The following ARHGEF7 variants were observed in gnomAD, a reference collection of about 807,000 sequenced individuals.
The protein encoded by ARHGEF7 is PAK-interacting exchange factor beta.
A neutral mutation model predicts 109.8 loss-of-function variants in ARHGEF7; 33 were observed. The observed-to-expected ratio is 0.30, with a 90% CI of 0.23 to 0.40. The LOEUF (loss-of-function observed/expected upper bound fraction) is 0.40. ARHGEF7 is among the 10% of genes least tolerant of loss of function. The pLI is 1.00. For missense variants in ARHGEF7, 938 were observed against 1,098.5 expected (o/e 0.85, Z 2.07); for synonymous variants, 458 against 424.6 (o/e 1.08, Z -0.97).
chr13:111,146,003 G>T (rs114727391), intron 1 of ARHGEF7, among the ~76,000 whole-genome samples: 214 of 152,328 alleles, frequency 1.4e-3, no homozygotes, highest in African/African-American at 4.7e-3. Flanking sequence ...TTTAACATGA[G>T]ACATCGGTGG....
chr13:111,196,627 G>A (rs1256037340), intron 2 of ARHGEF7, among the ~76,000 whole-genome samples: 1 of 152,116 alleles, frequency 6.6e-6, no homozygotes, highest in East Asian at 1.9e-4. Context: ...CGATAGCCCG[G>A]GGGTTTTTGT....
At chr13:111,206,236 G>A (rs866759440) in intron 3 of ARHGEF7, among the ~76,000 whole-genome samples, 38 of 151,858 alleles carry the variant, frequency 2.5e-4, no homozygotes, top group African/African-American at 8.2e-4. Context: ...CCTTCAGAGG[G>A]GGGGGTGTAC....
rs996311496 is a variant in ARHGEF7, at chr13:111,273,722, C to A, written c.1074-92C>A. The stretch of plus-strand genomic sequence containing the variant: ...GATGTTAAAAGCAACACTTATGTTT[C>A]ATAAATTCTGGCTGTTGCTCATGGA... On this transcript the variant is annotated intron_variant, in intron 9 of 21. Transcript: ENST00000646102. This position sits in a 1 kb window ranked among gnomAD's most constrained non-coding sequence, Gnocchi z 4.5. 10 of 1,535,260 alleles carry A rather than the reference C, an allele frequency of 6.5e-6. No homozygotes were observed. The highest frequency in any genetic ancestry group is 9.0e-6 in the Non-Finnish European group (10 of 1,116,466).
intron 2 of ARHGEF7, among the ~76,000 whole-genome samples, chr13:111,171,146 T>TA (rs1397483673): frequency 6.6e-6 from 1 of 152,252 alleles, no homozygotes; most frequent in African/African-American, 2.4e-5. Context: ...AATGCACTCT[T>TA]AGAGTTACTT....
intron 9 of ARHGEF7, among the ~76,000 whole-genome samples, chr13:111,268,913 C>G (rs946404457): frequency 6.6e-6 from 1 of 152,070 alleles, no homozygotes; most frequent in Non-Finnish European, 1.5e-5. Flanking sequence ...CCTGGGTGTG[C>G]TCAAATATAA....
chr13:111,292,065 T>A (rs576883158), intron 18 of ARHGEF7, 53 bp from the exon 19 acceptor site: 9 of 1,509,848 alleles, frequency 6.0e-6, no homozygotes, highest in Non-Finnish European at 8.2e-6. Flanking sequence ...TTCCTGTCGT[T>A]CTCCTCCTCA....
At chr13:111,214,244 C>T (rs1016256969) in intron 4 of ARHGEF7, among the ~76,000 whole-genome samples, 4 of 152,212 alleles carry the variant, frequency 2.6e-5, no homozygotes, top group East Asian at 3.8e-4. Context: ...GGTGGAACTC[C>T]GCTGCCTCTT....
At chr13:111,192,607 G>C (rs2080022531) in intron 2 of ARHGEF7, among the ~76,000 whole-genome samples, 1 of 152,156 alleles carries the variant, frequency 6.6e-6, no homozygotes, top group African/African-American at 2.4e-5. Flanking sequence ...TGAGTTTCTT[G>C]TGTTAGTTTC....
rs2093630703 is a variant in ARHGEF7 at position 111,305,247 on chromosome 13, C to CT, written c.*2135dup. 1 of 152,214 alleles carries CT rather than the reference C, an allele frequency of 6.6e-6. No homozygotes were observed. Among genetic ancestry groups the CT allele is most frequent in the South Asian group, 2.1e-4 (1 of 4,830 alleles). The allele number at this position is 152,214 out of a possible 1,614,324, so 9.4% of individuals were successfully genotyped here. A position where few individuals can be genotyped will look rare whatever the true frequency, so the allele number is the denominator to read the frequency against. ...TTTTTAGGGAGCAGGAAAAATGCGT[C>CT]TGAGAGCAACTCTTTTTAAAAACCT... On this transcript the variant is annotated 3_prime_UTR_variant, in exon 22 of 22. Transcript: ENST00000646102.
intron 5 of ARHGEF7, among the ~76,000 whole-genome samples, chr13:111,227,301 G>A (rs1234106689): frequency 1.3e-5 from 2 of 152,124 alleles, no homozygotes; most frequent in Non-Finnish European, 2.9e-5. Context: ...AGCATCTCAC[G>A]CTCCAGAGAA....
chr13:111,297,759 G>A (rs2093459375), intron 19 of ARHGEF7, among the ~76,000 whole-genome samples: 1 of 152,158 alleles, frequency 6.6e-6, no homozygotes, highest in African/African-American at 2.4e-5. Flanking sequence ...TCGACCCCGT[G>A]TCTGACCCAT....
At chr13:111,182,324 A>G (rs1045108597) in intron 2 of ARHGEF7, 2 of 152,526 alleles carry the variant, frequency 1.3e-5, no homozygotes, top group Non-Finnish European at 2.9e-5. Flanking sequence ...CGGGGTGCTG[A>G]GTTACTGCCC....
chr13:111,192,748 C>A (rs1174852421), intron 2 of ARHGEF7, among the ~76,000 whole-genome samples: 1 of 152,196 alleles, frequency 6.6e-6, no homozygotes, highest in Non-Finnish European at 1.5e-5. Flanking sequence ...GCTTTAAAAG[C>A]TGGACCATTG....
At chr13:111,276,629 G>T (rs948817333) in intron 12 of ARHGEF7, among the ~76,000 whole-genome samples, 10 of 152,168 alleles carry the variant, frequency 6.6e-5, no homozygotes, top group African/African-American at 2.4e-4. Flanking sequence ...CGTAATTAGT[G>T]GAAAAGATTC....
chr13:111,130,856 A>G (rs978598550), intron 1 of ARHGEF7, among the ~76,000 whole-genome samples: 1 of 152,160 alleles, frequency 6.6e-6, no homozygotes, highest in African/African-American at 2.4e-5. Flanking sequence ...TAGCTGTCGT[A>G]AGAGGAGGGG....
intron 2 of ARHGEF7, among the ~76,000 whole-genome samples, chr13:111,190,441 T>A (rs555482930): frequency 9.2e-5 from 14 of 152,296 alleles, no homozygotes; most frequent in African/African-American, 3.1e-4. Context: ...TTCTCAGCAG[T>A]GAGGAGGTCT....
Position 111,115,448 on chromosome 13 carries a change from G to A in ARHGEF7, c.-79G>A, listed in dbSNP as rs1437566790. ...CTCGATGGGCGAGGCGGCGGCGGCG[G>A]CGGCGGGGGCCGCGGGCCGGGCCGC... On this transcript the variant is annotated 5_prime_UTR_variant, in exon 1 of 22. Coordinates refer to ENST00000646102, the MANE Select transcript of ARHGEF7 (RefSeq NM_001354046.2). 2.3e-5 allele frequency: 22 copies of A among 977,508 alleles called. No homozygotes were observed. Among genetic ancestry groups the A allele is most frequent in the Non-Finnish European group, 2.4e-5 (20 of 823,812 alleles). 60.6% of individuals were successfully genotyped at this position (977,508 alleles called of 1,614,324 possible).
chr13:111,280,534 A>G lies in ARHGEF7; in HGVS notation c.1586-4A>G, dbSNP rs191881438. On this transcript the variant is annotated splice_region_variant and splice_polypyrimidine_tract_variant and intron_variant, in intron 14 of 21. Transcript: ENST00000646102. ...TCGGCCTATTTTTTCCTTCTCTCCTATAGGGAGCATGATTGAGCGGATATT... is the reference window on the plus strand; with the variant it reads ...TCGGCCTATTTTTTCCTTCTCTCCTGTAGGGAGCATGATTGAGCGGATATT... 3 of 1,601,746 alleles carry G rather than the reference A, an allele frequency of 1.9e-6. No homozygotes were observed. The highest frequency in any genetic ancestry group is 2.2e-5 in the East Asian group (1 of 44,780).
At chr13:111,205,790 C>G (rs1255965760) in intron 3 of ARHGEF7, among the ~76,000 whole-genome samples, 2 of 151,990 alleles carry the variant, frequency 1.3e-5, no homozygotes, top group Admixed American at 1.3e-4. Flanking sequence ...CGTGGATTGG[C>G]CTGTAAAGTC....
Sources: gnomAD v4.1 joint callset for allele counts (sites outside exome capture counted in the v4.1 genomes callset) on GRCh38, gnomAD v4.1.1 for gene constraint, Gnocchi (gnomAD v3.1) non-coding constraint, MANE v1.5 for transcripts, NCBI Gene and HGNC (gene_info 2026-07-23, HGNC 2026-07-21) for gene names.